Variants in PPFIBP1 observed in about 807,000 individuals in gnomAD.
The protein encoded by PPFIBP1 is liprin-beta-1.
A neutral mutation model predicts 137.8 loss-of-function variants in PPFIBP1; 112 were observed. The ratio of observed to expected loss-of-function variants is 0.81; its 90% CI spans 0.70 to 0.95. The LOEUF is 0.95. Ranked by LOEUF, PPFIBP1 falls within the 40% of genes least tolerant of loss-of-function variation. The pLI is 0.00. For synonymous variants in PPFIBP1, 378 were observed against 417.3 expected, an observed-to-expected ratio of 0.91 and a Z score of 1.15; for missense variants, 1,083 against 1,196.6, an observed-to-expected ratio of 0.91 and a Z score of 1.40.
intron 9 of PPFIBP1, among the ~76,000 whole-genome samples, chr12:27,658,396 TG>T (rs2059345195): frequency 6.6e-6 from 1 of 152,154 alleles, no homozygotes; most frequent in South Asian, 2.1e-4. Context: ...TCAGTGTTGT[TG>T]AACTTGAGTG....
At chr12:27,670,498 C>T (rs975884843) in intron 13 of PPFIBP1, among the ~76,000 whole-genome samples, 3 of 152,086 alleles carry the variant, frequency 2.0e-5, no homozygotes, top group Non-Finnish European at 2.9e-5. Context: ...TGGAGCTTTT[C>T]GCTGGGCACA....
chr12:27,682,332 C>A, intron 22 of PPFIBP1, 55 bp from the exon 23 acceptor site: 1 of 1,232,848 alleles, frequency 8.1e-7, no homozygotes, highest in Non-Finnish European at 1.2e-6. Flanking sequence ...CATCCTTTGC[C>A]AGTGGCACCC....
intron 2 of PPFIBP1, chr12:27,592,736 C>A: frequency 1.0e-6 from 1 of 992,456 alleles, no homozygotes; most frequent in Non-Finnish European, 1.6e-6. Context: ...CTGGCAGTTG[C>A]CTGGCTTATC....
chr12:27,660,448 C>T lies in PPFIBP1; in HGVS notation c.845-436C>T, dbSNP rs574427499. ...ATACTACAAGCCATCAGGCACTTAC[C>T]GTTCATTCATGCCTCTATCTTGGTT... is the stretch of plus-strand genomic sequence containing the variant. On this transcript the variant is annotated intron_variant, in intron 10 of 29. Transcript: ENST00000228425. 2.6e-5 allele frequency among the ~76,000 whole-genome samples: 4 copies of T among 152,294 alleles called. No individual in the cohort carries two copies. The East Asian group carries it at 7.7e-4, about 29-fold the overall frequency.
At chr12:27,688,104 C>T in intron 25 of PPFIBP1, 194 bp from the exon 26 acceptor site, 2 of 604,804 alleles carry the variant, frequency 3.3e-6, no homozygotes, top group African/African-American at 1.9e-5. Flanking sequence ...AAAAAGACTT[C>T]CTTTCCTAAA....
At chr12:27,637,256 C>T (rs370654055) in intron 4 of PPFIBP1, 10 of 152,096 alleles carry the variant, frequency 6.6e-5, no homozygotes, top group African/African-American at 2.4e-4. Flanking sequence ...GAATGCCTGG[C>T]TCAGTAGTTA....
intron 2 of PPFIBP1, among the ~76,000 whole-genome samples, chr12:27,620,745 A>C (rs2138540284): frequency 6.6e-6 from 1 of 152,282 alleles, no homozygotes; most frequent in African/African-American, 2.4e-5. Context: ...GGGTTATTGT[A>C]AGGATTAATT....
At chr12:27,591,288 A>G (rs1398817863) in intron 2 of PPFIBP1, among the ~76,000 whole-genome samples, 1 of 152,112 alleles carries the variant, frequency 6.6e-6, no homozygotes, top group African/African-American at 2.4e-5. Context: ...TGCCAGCAGA[A>G]GAAGGAGGAC....
intron 19 of PPFIBP1, 57 bp downstream of exon 19, chr12:27,677,153 C>T (rs1280979663): frequency 6.3e-7 from 1 of 1,596,896 alleles, no homozygotes; most frequent in Admixed American, 1.7e-5. Context: ...CCAATCTAAT[C>T]CCTGCTCTTG....
intron 1 of PPFIBP1, chr12:27,547,222 A>G (rs1046454092): frequency 2.6e-5 from 4 of 152,202 alleles, no homozygotes; most frequent in African/African-American, 9.7e-5. Flanking sequence ...GCAGTTTTCA[A>G]TGCCACATGA....
At chr12:27,570,665 G>C (rs571862252) in intron 1 of PPFIBP1, among the ~76,000 whole-genome samples, 2 of 151,942 alleles carry the variant, frequency 1.3e-5, no homozygotes, top group Non-Finnish European at 2.9e-5. Flanking sequence ...TTGAAAAAAT[G>C]TACATAAGGC....
intron 2 of PPFIBP1, among the ~76,000 whole-genome samples, chr12:27,582,720 A>G (rs928788302): frequency 2.6e-5 from 4 of 152,204 alleles, no homozygotes; most frequent in African/African-American, 9.6e-5. Flanking sequence ...CCATTGTAGC[A>G]GGATCCACTT....
chr12:27,553,369 T>C (rs1274268897), intron 1 of PPFIBP1, among the ~76,000 whole-genome samples: 1 of 152,148 alleles, frequency 6.6e-6, no homozygotes, highest in Non-Finnish European at 1.5e-5. Context: ...TGTTGGTTCT[T>C]CTGCAGCCCT....
intron 1 of PPFIBP1, among the ~76,000 whole-genome samples, chr12:27,530,095 C>G (rs1268661517): frequency 6.6e-6 from 1 of 152,186 alleles, no homozygotes; most frequent in Non-Finnish European, 1.5e-5. Flanking sequence ...CTTTTTTCAT[C>G]TAGTGACTTG....
At chr12:27,585,157 A>G (rs1162425674) in intron 2 of PPFIBP1, among the ~76,000 whole-genome samples, 1 of 152,264 alleles carries the variant, frequency 6.6e-6, no homozygotes, top group African/African-American at 2.4e-5. Context: ...AATGAATTTG[A>G]ATGAATGAAT....
At chr12:27,676,970 G>C (rs751901494) in intron 18 of PPFIBP1, 94 bp from the exon 19 acceptor site, 1 of 1,524,920 alleles carries the variant, frequency 6.6e-7, no homozygotes, top group Non-Finnish European at 9.1e-7. Context: ...TGTGTATTTG[G>C]CGAGGAGGAG....
Position 27,687,497 on chromosome 12 carries a change from C to T in PPFIBP1, c.2360C>T (p.Pro787Leu), listed in dbSNP as rs1326992578. The part of the protein sequence containing the change: ...NFEPNCLRRR[P>L]SDENTIAPSE... ...GAACCAAACTGTCTACGGAGGCGGC[C>T]ATCTGATGAGGTAGTGTTTTAAGAT... The change falls in exon 25 of 30, where the codon CCA (proline) becomes CTA (leucine). Residue 787 changes from proline to leucine, a missense_variant. Physicochemically the swap from Pro to Leu is moderately conservative, Grantham distance 98. Coordinates refer to ENST00000228425, the MANE Select transcript of PPFIBP1 (RefSeq NM_003622.4). The T allele has an allele frequency of 1.9e-6, 3 of 1,613,620 alleles. No individual in the cohort carries two copies. The highest frequency in any genetic ancestry group is 4.5e-5 in the East Asian group (2 of 44,860).
intron 8 of PPFIBP1, among the ~76,000 whole-genome samples, chr12:27,655,739 T>C (rs376494202): frequency 6.6e-6 from 1 of 152,230 alleles, no homozygotes; most frequent in Non-Finnish European, 1.5e-5. Flanking sequence ...GTCAAAACTA[T>C]AGGGCCAAGT....
At chr12:27,536,265 A>C (rs1004760881) in intron 1 of PPFIBP1, among the ~76,000 whole-genome samples, 2 of 152,220 alleles carry the variant, frequency 1.3e-5, no homozygotes, top group African/African-American at 4.8e-5. Flanking sequence ...GTGGCTGTAC[A>C]TATTACGTCG....
Sources: allele counts gnomAD v4.1 joint callset (sites outside exome capture counted in the v4.1 genomes callset), GRCh38; gene constraint gnomAD v4.1.1; transcripts MANE v1.5; gene names NCBI Gene and HGNC (gene_info 2026-07-23, HGNC 2026-07-21).